SETD3: variants seen among roughly 807,000 people sequenced by gnomAD.
SETD3 encodes actin-histidine N-methyltransferase.
A neutral mutation model predicts 63.0 loss-of-function variants in SETD3; 19 were observed. The ratio of observed to expected loss-of-function variants is 0.30; its 90% confidence interval spans 0.21 to 0.44. SETD3 has a LOEUF of 0.44. Ranked by LOEUF, SETD3 falls within the 20% of genes least tolerant of loss-of-function variation. The pLI is 1.00. For synonymous variants in SETD3, 286 were observed against 264.1 expected, an observed-to-expected ratio of 1.08 and a Z score of -0.80; for missense variants, 587 against 728.5, an observed-to-expected ratio of 0.81 and a Z score of 2.24.
intron 6 of SETD3, among the ~76,000 whole-genome samples, chr14:99,455,225 T>G (rs1271538633): frequency 6.6e-6 from 1 of 152,146 alleles, no homozygotes; most frequent in Non-Finnish European, 1.5e-5. Context: ...CAGGGTTCCT[T>G]CCCTCCCATC....
At chr14:99,451,350 T>A (rs1407933929) in intron 6 of SETD3, among the ~76,000 whole-genome samples, 1 of 152,218 alleles carries the variant, frequency 6.6e-6, no homozygotes, top group Non-Finnish European at 1.5e-5. Flanking sequence ...CAAACTGACA[T>A]AAATTTTAGC....
chr14:99,401,947 C>T (rs1028448037), intron 11 of SETD3, among the ~76,000 whole-genome samples: 2 of 152,052 alleles, frequency 1.3e-5, no homozygotes, highest in African/African-American at 4.8e-5. Context: ...GGGAGTAAGA[C>T]AATGTAGCAT....
At chr14:99,413,727 C>T in intron 7 of SETD3, 149 bp downstream of exon 7, 4 of 713,098 alleles carry the variant, frequency 5.6e-6, no homozygotes, top group Non-Finnish European at 9.7e-6. Flanking sequence ...CCAAGCTGCT[C>T]CTGATAACTT....
In SETD3 at chr14:99,480,814, CGGT is replaced by C; in HGVS notation, c.-98_-96del. The C allele has an allele frequency of 6.2e-6, 1 of 162,328 alleles. No individual in the cohort carries two copies. Among genetic ancestry groups the C allele is most frequent in the Non-Finnish European group, 1.3e-5 (1 of 76,996 alleles). The allele number at this position is 162,328 out of a possible 1,614,324, so 10.1% of individuals were successfully genotyped here. A position where few individuals can be genotyped will look rare whatever the true frequency, so the allele number is the denominator to read the frequency against. On this transcript the variant is annotated 5_prime_UTR_variant, in exon 1 of 13. Coordinates refer to ENST00000331768, the MANE Select transcript of SETD3 (RefSeq NM_032233.3). ...TCAACCAACCCCCAGGCGGTGGCGG[CGGT>C]GGCGGCGGCGGCGGCCGGACGGGAG...
At chr14:99,409,916 T>A in intron 8 of SETD3, 1 of 306,152 alleles carries the variant, frequency 3.3e-6, no homozygotes, top group Admixed American at 4.7e-5. Flanking sequence ...GATATAGCAA[T>A]GAGCAAAACA....
upstream of SETD3, among the ~76,000 whole-genome samples, chr14:99,484,118 T>TTG (rs1896424230): frequency 1.3e-5 from 2 of 152,254 alleles, no homozygotes; most frequent in Non-Finnish European, 2.9e-5. Flanking sequence ...AAAGTGGTTC[T>TTG]AGGATGTAAC....
At position 99,436,060 on chromosome 14, in the gene SETD3, C is replaced by G. The variant is rs115914776; in HGVS notation, c.676-22126G>C. Among the ~76,000 whole-genome samples the G allele has an allele frequency of 8.9e-3, 1,358 of 152,258 alleles. 25 individuals carry two copies. Among genetic ancestry groups the G allele is most frequent in the African/African-American group, 0.031 (1,299 of 41,548 alleles). On this transcript the variant is annotated intron_variant, in intron 6 of 12. Coordinates refer to ENST00000331768, the MANE Select transcript of SETD3 (RefSeq NM_032233.3). ...CAAGGCAGCAGGAAGAAGTGCCAAA[C>G]AAAGGGGAAAGAGCCCTTATAAAAC...
At chr14:99,405,830 C>A (rs926638211) in intron 9 of SETD3, among the ~76,000 whole-genome samples, 1 of 152,184 alleles carries the variant, frequency 6.6e-6, no homozygotes, top group Non-Finnish European at 1.5e-5. Context: ...TTTCTAGATC[C>A]TCTGGCAATT....
chr14:99,423,516 T>C (rs537923009), intron 6 of SETD3, among the ~76,000 whole-genome samples: 1 of 149,024 alleles, frequency 6.7e-6, no homozygotes, highest in South Asian at 2.2e-4. Flanking sequence ...TTCAGTTGAT[T>C]TTTTTTAATT....
rs538227781 is a variant in SETD3, at chr14:99,422,767, A to G, written c.676-8833T>C. Among the ~76,000 whole-genome samples, 12 of 152,322 alleles carry G rather than the reference A, an allele frequency of 7.9e-5. No individual in the cohort carries two copies. The South Asian group carries it at 2.3e-3, about 29-fold the overall frequency. ...TCTCACTGATAACAAAATCTAAGGTAAAGGTCCCCACTGTACCATACCGGG... is the reference window on the plus strand; with the variant it reads ...TCTCACTGATAACAAAATCTAAGGTGAAGGTCCCCACTGTACCATACCGGG... On this transcript the variant is annotated intron_variant, in intron 6 of 12. Transcript: ENST00000331768.
chr14:99,424,824 C>G (rs927746437), intron 6 of SETD3, among the ~76,000 whole-genome samples: 8 of 152,126 alleles, frequency 5.3e-5, no homozygotes, highest in African/African-American at 1.9e-4. Flanking sequence ...TGAATCTGTA[C>G]CCAGGGAAGT....
chr14:99,448,271 A>C (rs1304584992), intron 6 of SETD3, among the ~76,000 whole-genome samples: 1 of 152,192 alleles, frequency 6.6e-6, no homozygotes, highest in Non-Finnish European at 1.5e-5. Context: ...GAGAGCCGAC[A>C]CTGCACCAGG....
chr14:99,425,595 G>A (rs1012234952), intron 6 of SETD3, among the ~76,000 whole-genome samples: 5 of 152,226 alleles, frequency 3.3e-5, no homozygotes, highest in African/African-American at 7.2e-5. Flanking sequence ...TTTGTACACG[G>A]CAGGTGCAGA....
chr14:99,444,914 T>A (rs1341134792), intron 6 of SETD3, among the ~76,000 whole-genome samples: 1 of 151,910 alleles, frequency 6.6e-6, no homozygotes, highest in African/African-American at 2.4e-5. Flanking sequence ...TTTTTAACCA[T>A]CTTGAAAAAA....
chr14:99,401,745 C>T (rs918904553), intron 11 of SETD3, among the ~76,000 whole-genome samples: 1 of 152,096 alleles, frequency 6.6e-6, no homozygotes, highest in Non-Finnish European at 1.5e-5. Flanking sequence ...TTCTTAGTGG[C>T]TGAAAGTTCT....
intron 9 of SETD3, 35 bp downstream of exon 9, chr14:99,406,481 C>T: frequency 6.2e-7 from 1 of 1,601,040 alleles, no homozygotes; most frequent in Non-Finnish European, 8.6e-7. Context: ...TGCCCACTGG[C>T]TGGCTCACAT....
intron 1 of SETD3, among the ~76,000 whole-genome samples, chr14:99,477,529 C>T (rs1008307754): frequency 6.6e-6 from 1 of 151,858 alleles, no homozygotes; most frequent in Non-Finnish European, 1.5e-5. Context: ...CTGAGGTGGG[C>T]GGATCATCTC....
At chr14:99,413,318 C>G in intron 7 of SETD3, 1 of 448,796 alleles carries the variant, frequency 2.2e-6, no homozygotes, top group Admixed American at 3.8e-5. Flanking sequence ...CGGCTTTGCG[C>G]AGGGCTCAGG....
chr14:99,451,221 C>T (rs1281229558), intron 6 of SETD3, among the ~76,000 whole-genome samples: 2 of 152,224 alleles, frequency 1.3e-5, no homozygotes. Context: ...CAACTTACAG[C>T]TGAACTTTGG....
Sources: gnomAD v4.1 joint callset for allele counts (sites outside exome capture counted in the v4.1 genomes callset) on GRCh38, gnomAD v4.1.1 for gene constraint, MANE v1.5 for transcripts, NCBI Gene and HGNC (gene_info 2026-07-23, HGNC 2026-07-21) for gene names.